TAFA1: variants seen among roughly 807,000 people sequenced by gnomAD.
TAFA1 encodes TAFA chemokine like family member 1.
TAFA1 carries 4 observed loss-of-function variants against 18.5 expected under a neutral mutation model. The observed-to-expected ratio is 0.22, with a 90% confidence interval of 0.11 to 0.49. TAFA1 has a LOEUF of 0.49. Among genes scored for constraint, TAFA1 ranks in the 20% least tolerant of loss-of-function variants. The probability of loss-of-function intolerance (pLI) is 0.98; values close to 1 mark genes in which losing one functional copy is unlikely to be tolerated. For synonymous variants in TAFA1, 56 were observed against 55.2 expected, an observed-to-expected ratio of 1.01 and a Z score of -0.06; for missense variants, 147 against 169.0, an observed-to-expected ratio of 0.87 and a Z score of 0.72.
chr3:68,003,444 C>T (rs1280596946), upstream of TAFA1, among the ~76,000 whole-genome samples: 2 of 152,264 alleles, frequency 1.3e-5, no homozygotes, highest in African/African-American at 2.4e-5. Flanking sequence ...TCATCAATCA[C>T]GTTTTCTGCT....
chr3:68,345,171 A>G (rs1393381657), intron 2 of TAFA1, among the ~76,000 whole-genome samples: 1 of 152,200 alleles, frequency 6.6e-6, no homozygotes, highest in African/African-American at 2.4e-5. Context: ...GAACCAGACC[A>G]ACTGTGAACC....
intron 2 of TAFA1, among the ~76,000 whole-genome samples, chr3:68,055,018 C>T (rs958505457): frequency 4.6e-5 from 7 of 152,014 alleles, no homozygotes; most frequent in African/African-American, 1.7e-4. Context: ...GGGTCTCCCA[C>T]AAGCAGACCT....
chr3:68,323,804 C>T (rs1281521193), intron 2 of TAFA1, among the ~76,000 whole-genome samples: 3 of 152,160 alleles, frequency 2.0e-5, no homozygotes, highest in Non-Finnish European at 4.4e-5. Context: ...ACATATGGAA[C>T]TTTAGCCTTG....
chr3:68,099,181 C>T lies in TAFA1; in HGVS notation c.118+92437C>T, dbSNP rs535538096. Among the ~76,000 whole-genome samples the T allele has an allele frequency of 2.0e-5, 3 of 152,226 alleles. No individual in the cohort carries two copies. In the South Asian group the frequency reaches 6.2e-4, roughly 32 times the overall value. ...GGGACTCAATTAAACTAAAGAGCTTCTGCACAGCAAAAGAAAATATCAATA... is the reference window on the plus strand; with the variant it reads ...GGGACTCAATTAAACTAAAGAGCTTTTGCACAGCAAAAGAAAATATCAATA... On this transcript the variant is annotated intron_variant, in intron 2 of 4. Transcript: ENST00000478136.
At chr3:68,297,190 A>G (rs1304825873) in intron 2 of TAFA1, among the ~76,000 whole-genome samples, 1 of 152,236 alleles carries the variant, frequency 6.6e-6, no homozygotes, top group Non-Finnish European at 1.5e-5. Context: ...AAAACACAGT[A>G]GACCCTGTCA....
rs373423932 is a variant in TAFA1, at chr3:68,323,537, C to T, written c.119-93743C>T. On this transcript the variant is annotated intron_variant, in intron 2 of 4. Transcript: ENST00000478136. ...GCCCAAAAGGTTTTGAACGGACTGT[C>T]CTCGTATGTGTAACTCTGTAATTTC... Among the ~76,000 whole-genome samples, 59 of 152,220 alleles carry T rather than the reference C, an allele frequency of 3.9e-4. 1 individual carries two copies. In the South Asian group the frequency reaches 0.012, roughly 31 times the overall value.
At chr3:68,162,479 G>A (rs923684355) in intron 2 of TAFA1, among the ~76,000 whole-genome samples, 3 of 152,232 alleles carry the variant, frequency 2.0e-5, no homozygotes, top group South Asian at 4.2e-4. Flanking sequence ...CTTGCCTGCC[G>A]CTCACCTCCA....
At chr3:68,541,118 A>G (rs2073366272) in intron 4 of TAFA1, among the ~76,000 whole-genome samples, 1 of 152,154 alleles carries the variant, frequency 6.6e-6, no homozygotes. Context: ...ATAGGAGGCC[A>G]CTCTACAGCC....
intron 3 of TAFA1, among the ~76,000 whole-genome samples, chr3:68,463,144 A>C (rs926666029): frequency 6.6e-6 from 1 of 152,190 alleles, no homozygotes; most frequent in Non-Finnish European, 1.5e-5. Context: ...TTTCTAGCAC[A>C]TGGATGGTGG....
At chr3:68,352,979 GA>G (rs1335445250) in intron 2 of TAFA1, among the ~76,000 whole-genome samples, 1 of 152,064 alleles carries the variant, frequency 6.6e-6, no homozygotes, top group African/African-American at 2.4e-5. Context: ...AAAAAGCGAA[GA>G]AGCCAAATTG....
At chr3:68,039,242 G>A (rs1705114654) in intron 2 of TAFA1, among the ~76,000 whole-genome samples, 1 of 152,080 alleles carries the variant, frequency 6.6e-6, no homozygotes, top group Admixed American at 6.5e-5. Context: ...TTTTTCTCCA[G>A]AGTATTCATA....
intron 2 of TAFA1, among the ~76,000 whole-genome samples, chr3:68,100,497 T>C (rs1035211213): frequency 2.6e-5 from 4 of 152,054 alleles, no homozygotes; most frequent in African/African-American, 9.7e-5. Context: ...GGCCACCAGA[T>C]TGGTCTTTTG....
chr3:67,994,752 G>C, the TAFA1 span, among the ~76,000 whole-genome samples: 1 of 152,120 alleles, frequency 6.6e-6, no homozygotes, highest in African/African-American at 2.4e-5. Context: ...ATCACTTTTT[G>C]AGGCTGTCTT....
intron 2 of TAFA1, among the ~76,000 whole-genome samples, chr3:68,112,438 C>T (rs1293717534): frequency 6.6e-6 from 1 of 152,012 alleles, no homozygotes; most frequent in Non-Finnish European, 1.5e-5. Context: ...AAAATTATTT[C>T]AGAGTTTAAA....
intron 4 of TAFA1, among the ~76,000 whole-genome samples, chr3:68,542,119 G>T (rs1185722434): frequency 6.6e-6 from 1 of 152,230 alleles, no homozygotes; most frequent in Non-Finnish European, 1.5e-5. Flanking sequence ...TTTCTTTCAG[G>T]AGATTTGGAA....
At chr3:68,265,881 AG>A in intron 2 of TAFA1, among the ~76,000 whole-genome samples, 1 of 152,322 alleles carries the variant, frequency 6.6e-6, no homozygotes, top group East Asian at 1.9e-4. Context: ...GCACAGCTCT[AG>A]CATGTCATCC....
intron 3 of TAFA1, among the ~76,000 whole-genome samples, chr3:68,490,015 G>T (rs2072420268): frequency 6.6e-6 from 1 of 152,140 alleles, no homozygotes; most frequent in Non-Finnish European, 1.5e-5. Flanking sequence ...TAAAAAGTGA[G>T]ACTATCACTT....
At chr3:68,003,196 T>C (rs1333092777), upstream of TAFA1, among the ~76,000 whole-genome samples, 1 of 152,224 alleles carries the variant, frequency 6.6e-6, no homozygotes. Flanking sequence ...GAAAGACCAA[T>C]TGGCAAGACT....
chr3:68,234,928 G>A (rs945836821), intron 2 of TAFA1, among the ~76,000 whole-genome samples: 2 of 152,158 alleles, frequency 1.3e-5, no homozygotes, highest in African/African-American at 4.8e-5. Flanking sequence ...TACATGCTCA[G>A]TAGAGATCCT....
Sources: gnomAD v4.1 joint callset for allele counts (sites outside exome capture counted in the v4.1 genomes callset) on GRCh38, gnomAD v4.1.1 for gene constraint, MANE v1.5 for transcripts, NCBI Gene and HGNC (gene_info 2026-07-23, HGNC 2026-07-21) for gene names.